Variants in TMEM168 observed in about 807,000 individuals in gnomAD.
The protein encoded by TMEM168 is transmembrane protein 168.
In TMEM168, 40 loss-of-function variants were observed where a neutral mutation model predicts 53.2. That is an observed-to-expected ratio of 0.75 (90% CI 0.58 to 0.98). The LOEUF (loss-of-function observed/expected upper bound fraction) is 0.98. TMEM168 is among the 50% of genes least tolerant of loss of function. The pLI is 0.00. For synonymous variants in TMEM168, 282 were observed against 293.0 expected, an observed-to-expected ratio of 0.96 and a Z score of 0.38; for missense variants, 771 against 828.8, an observed-to-expected ratio of 0.93 and a Z score of 0.86.
rs373392069 is a variant in TMEM168, at chr7:112,784,267, G to T, written c.559C>A (p.Leu187Met). 4 of 1,613,984 alleles carry T rather than the reference G, an allele frequency of 2.5e-6. No individual in the cohort carries two copies. The African/African-American group carries it at 5.3e-5, about 22-fold the overall frequency. ...SLSVILLVVA[L>M]AMLIIDLRMK... ...CTCAGATCAATAATCAGCATAGCCA[G>T]AGCTACAACAAGCAAAATGACACTC... The change falls in exon 2 of 5, where the codon CTG (leucine) becomes ATG (methionine). Residue 187 changes from leucine (L) to methionine (M), a missense_variant. Transcript: ENST00000312814.
rs764031295 is a variant in TMEM168, at chr7:112,767,429, C to T, written c.1862G>A (p.Arg621Gln). 1.1e-5 allele frequency: 17 copies of T among 1,614,018 alleles called. No homozygotes were observed. Among genetic ancestry groups the T allele is most frequent in the African/African-American group, 5.3e-5 (4 of 74,920 alleles). Residue 621 changes from arginine (R) to glutamine (Q), a missense_variant, in exon 5 of 5, where the codon CGG becomes CAG. Coordinates refer to ENST00000312814, the MANE Select transcript of TMEM168 (RefSeq NM_022484.6). ...TVKAVYGVSK[R>Q]WSDYTLHLPT... ...CAAATGCAGAGTGTAGTCACTCCAC[C>T]GTTTTGACACACCATATACTGCTTT... is the stretch of plus-strand genomic sequence containing the variant.
intron 3 of TMEM168, 66 bp downstream of exon 3, chr7:112,775,110 T>A: frequency 1.5e-6 from 2 of 1,315,472 alleles, no homozygotes; most frequent in Non-Finnish European, 1.0e-6. Context: ...TATATTTTAT[T>A]CATATAAATA....
intron 2 of TMEM168, 76 bp downstream of exon 2, chr7:112,783,622 A>C (rs553436312): frequency 7.5e-7 from 1 of 1,336,552 alleles, no homozygotes; most frequent in East Asian, 2.6e-5. Context: ...ACTTGACCTT[A>C]TAACTTTAAT....
At chr7:112,768,406 A>G (rs975469028) in intron 4 of TMEM168, among the ~76,000 whole-genome samples, 2 of 152,082 alleles carry the variant, frequency 1.3e-5, no homozygotes, top group African/African-American at 4.8e-5. Context: ...ATTCTGTATC[A>G]TTGTTTCCTT....
intron 2 of TMEM168, among the ~76,000 whole-genome samples, 180 bp from the exon 3 acceptor site, chr7:112,775,498 G>A (rs1793055120): frequency 6.6e-6 from 1 of 151,662 alleles, no homozygotes; most frequent in Admixed American, 6.6e-5. Context: ...GCTAACTAGT[G>A]CAATAAATCC....
chr7:112,789,682 ACT>A (rs1793490945), intron 1 of TMEM168, among the ~76,000 whole-genome samples: 1 of 152,062 alleles, frequency 6.6e-6, no homozygotes, highest in Non-Finnish European at 1.5e-5. Context: ...TCACTCAGAA[ACT>A]CTGTCCCATC....
chr7:112,771,703 T>C (rs758934526), intron 4 of TMEM168, among the ~76,000 whole-genome samples: 6 of 152,156 alleles, frequency 3.9e-5, no homozygotes, highest in Non-Finnish European at 7.4e-5. Flanking sequence ...ACCTTTTTGT[T>C]TGTCTCTTTC....
Position 112,773,127 on chromosome 7 carries a change from C to CT in TMEM168, c.1272-73dup, listed in dbSNP as rs1331955358. The CT allele has an allele frequency of 2.8e-6, 4 of 1,440,226 alleles. No individual in the cohort carries two copies. In the East Asian group the frequency reaches 9.4e-5, roughly 34 times the overall value. 89.2% of individuals were successfully genotyped at this position (1,440,226 alleles called of 1,614,324 possible). A position where few individuals can be genotyped will look rare whatever the true frequency, so the allele number is the denominator to read the frequency against. On this transcript the variant is annotated intron_variant, in intron 3 of 4. Transcript: ENST00000312814. ...TCATCTGTCATTTGTAACTGATTAT[C>CT]TAAGAATCAGTTATAATATAGTTGC...
At position 112,786,844 on chromosome 7, in the gene TMEM168, C is replaced by CT. The variant is rs1793395134; in HGVS notation, c.-128-1892dup. Among the ~76,000 whole-genome samples, 6 of 152,258 alleles carry CT rather than the reference C, an allele frequency of 3.9e-5. No individual in the cohort carries two copies. In the South Asian group the frequency reaches 1.2e-3, roughly 32 times the overall value. ...ACCCCTATTTCCTCTCTTCAAATCT[C>CT]TGATACCCTACTTCTTCCTACTGCA... On this transcript the variant is annotated intron_variant, in intron 1 of 4. Coordinates refer to ENST00000312814, the MANE Select transcript of TMEM168 (RefSeq NM_022484.6).
intron 4 of TMEM168, among the ~76,000 whole-genome samples, chr7:112,772,181 CA>C (rs947769852): frequency 3.8e-4 from 57 of 152,000 alleles, no homozygotes; most frequent in African/African-American, 1.3e-3. Flanking sequence ...TTTTCAAATG[CA>C]AAAAAATCCC....
Position 112,784,589 on chromosome 7 carries a change from G to A in TMEM168, c.237C>T (p.Ser79=). ...CCATTGAAAAATAGTAATAGAGTAT[G>A]CTGGCGATTCCAAGAACAAAAAGAC... ...ILGLFVLGIA[S]ILYYYFSMEA... The change falls in exon 2 of 5, where the codon AGC becomes AGT. Residue 79 remains serine, a synonymous_variant. Coordinates refer to ENST00000312814, the MANE Select transcript of TMEM168 (RefSeq NM_022484.6). The A allele has an allele frequency of 6.2e-7, 1 of 1,612,686 alleles. No individual in the cohort carries two copies. Among genetic ancestry groups the A allele is most frequent in the Non-Finnish European group, 8.5e-7 (1 of 1,179,690 alleles).
In TMEM168 at chr7:112,784,216, T is replaced by C. The variant is rs749592170; in HGVS notation, c.610A>G (p.Asn204Asp). The change falls in exon 2 of 5, where the codon AAC becomes GAC. Residue 204 changes from asparagine (N) to aspartate (D), a missense_variant. Coordinates refer to ENST00000312814, the MANE Select transcript of TMEM168 (RefSeq NM_022484.6). ...AACAAAACTGCAAAAATAACTAAGT[T>C]TGGAATAGCTAAGAAAGATTTCATT... is the stretch of plus-strand genomic sequence containing the variant. The part of the protein sequence containing the change: ...LRMKSFLAIP[N>D]LVIFAVLLFF... The C allele has an allele frequency of 6.2e-7, 1 of 1,613,592 alleles. No individual in the cohort carries two copies. Among genetic ancestry groups the C allele is most frequent in the East Asian group, 2.2e-5 (1 of 44,854 alleles).
intron 2 of TMEM168, chr7:112,778,361 A>C (rs908084653): frequency 3.9e-5 from 6 of 152,242 alleles, no homozygotes; most frequent in Non-Finnish European, 8.8e-5. Context: ...GAGTCTTTTC[A>C]TCCCAGGAAG....
At position 112,784,199 on chromosome 7, in the gene TMEM168, T is replaced by C. The variant is rs769970226; in HGVS notation, c.627A>G (p.Ala209=). The change falls in exon 2 of 5, where the codon GCA becomes GCG. Residue 209 remains alanine, a synonymous_variant. Transcript: ENST00000312814. ...FLAIPNLVIF[A]VLLFFSSLET... ...CCAATGAGGAAAAAAATAACAAAAC[T>C]GCAAAAATAACTAAGTTTGGAATAG... 1.8e-5 allele frequency: 29 copies of C among 1,613,070 alleles called. No homozygotes were observed. Among genetic ancestry groups the C allele is most frequent in the Non-Finnish European group, 2.2e-5 (26 of 1,179,850 alleles).
In TMEM168 at chr7:112,767,640, G is replaced by A; in HGVS notation, c.1651C>T (p.Pro551Ser). The A allele has an allele frequency of 6.2e-7, 1 of 1,614,016 alleles. No individual in the cohort carries two copies. Among genetic ancestry groups the A allele is most frequent in the African/African-American group, 1.3e-5 (1 of 74,998 alleles). ...IIVLDSENST[P>S]WVKEVRKIND... is the part of the protein sequence containing the mutation. The stretch of plus-strand genomic sequence containing the variant: ...ATTTTCCTCACTTCTTTCACCCAAG[G>A]GGTTGAATTTTCGCTGTCTAATACG... The change falls in exon 5 of 5, where the codon CCT becomes TCT. Residue 551 changes from proline to serine, a missense_variant. By Grantham distance (74) the Pro-to-Ser change is moderately conservative. Coordinates refer to ENST00000312814, the MANE Select transcript of TMEM168 (RefSeq NM_022484.6).
At chr7:112,783,286 AC>A (rs1479130487) in intron 2 of TMEM168, among the ~76,000 whole-genome samples, 1 of 152,240 alleles carries the variant, frequency 6.6e-6, no homozygotes, top group African/African-American at 2.4e-5. Context: ...CAGGGAATAG[AC>A]AGAAGTTAAG....
In TMEM168 at chr7:112,769,733, T is replaced by C. The variant is rs141313818; in HGVS notation, c.1547-1989A>G. ...AGTAATTGAGACTGCTTTTTAAAGGTTTTATTTGTAATAAACTGCTTTATA... is the reference window on the plus strand; with the variant it reads ...AGTAATTGAGACTGCTTTTTAAAGGCTTTATTTGTAATAAACTGCTTTATA... On this transcript the variant is annotated intron_variant, in intron 4 of 4. Transcript: ENST00000312814. 5.3e-3 allele frequency among the ~76,000 whole-genome samples: 805 copies of C among 152,276 alleles called. 3 individuals are homozygous for C. The highest frequency in any genetic ancestry group is 0.018 in the African/African-American group (741 of 41,572).
In TMEM168 at chr7:112,772,775, G is replaced by A. The variant is rs1229961888; in HGVS notation, c.1546+6C>T. ...ACAATAGTGAAACTGCCAAAGGTGAGTTTACCTGCTAGAGCCCACTCTCCT... is the reference window on the plus strand; with the variant it reads ...ACAATAGTGAAACTGCCAAAGGTGAATTTACCTGCTAGAGCCCACTCTCCT... On this transcript the variant is annotated splice_donor_region_variant and intron_variant, in intron 4 of 4. Coordinates refer to ENST00000312814, the MANE Select transcript of TMEM168 (RefSeq NM_022484.6). The A allele has an allele frequency of 1.2e-6, 2 of 1,608,174 alleles. No individual in the cohort carries two copies. The highest frequency in any genetic ancestry group is 1.3e-5 in the African/African-American group (1 of 74,902).
chr7:112,784,229 G>C lies in TMEM168; in HGVS notation c.597C>G (p.Phe199Leu). 2 of 1,613,752 alleles carry C rather than the reference G, an allele frequency of 1.2e-6. No individual in the cohort carries two copies. The highest frequency in any genetic ancestry group is 1.7e-6 in the Non-Finnish European group (2 of 1,179,924). ...MLIIDLRMKS[F>L]LAIPNLVIFA... Reference sequence around the variant, plus strand: ...AAATAACTAAGTTTGGAATAGCTAAGAAAGATTTCATTCTCAGATCAATAA... The same window carrying C: ...AAATAACTAAGTTTGGAATAGCTAACAAAGATTTCATTCTCAGATCAATAA... The change falls in exon 2 of 5, where the codon TTC becomes TTG. Residue 199 changes from phenylalanine (F) to leucine (L), a missense_variant. Transcript: ENST00000312814.
Sources: allele counts gnomAD v4.1 joint callset (sites outside exome capture counted in the v4.1 genomes callset), GRCh38; gene constraint gnomAD v4.1.1; transcripts MANE v1.5; gene names NCBI Gene and HGNC (gene_info 2026-07-23, HGNC 2026-07-21).